Variants in PRKN observed in about 807,000 individuals in gnomAD.
PRKN encodes parkin RBR E3 ubiquitin protein ligase, also known as E3 ubiquitin-protein ligase parkin.
PRKN carries 56 observed loss-of-function variants against 59.5 expected under a neutral mutation model. That is an observed-to-expected ratio of 0.94 (90% CI 0.76 to 1.18). PRKN has a LOEUF of 1.18. Among genes scored for constraint, PRKN ranks in the 50% most tolerant of loss-of-function variants. The pLI is 0.00. For synonymous variants in PRKN, 250 were observed against 222.1 expected, an observed-to-expected ratio of 1.13 and a Z score of -1.12; for missense variants, 657 against 596.4, an observed-to-expected ratio of 1.10 and a Z score of -1.06.
chr6:161,372,949 G>A lies in PRKN; in HGVS notation c.1168-12744C>T, dbSNP rs1447350512. ...GGCTCTCGAGTAGCTGGGACTACAG[G>A]CACATGCTTCTGTCCTCTGCTGATC... On this transcript the variant is annotated intron_variant, in intron 10 of 11. Coordinates refer to ENST00000366898, the MANE Select transcript of PRKN (RefSeq NM_004562.3). The surrounding 1 kb of genome is among the most constrained non-coding windows in gnomAD (Gnocchi z 4.2). Among the ~76,000 whole-genome samples the A allele has an allele frequency of 2.0e-5, 3 of 151,468 alleles. No homozygotes were observed. The highest frequency in any genetic ancestry group is 4.9e-5 in the African/African-American group (2 of 41,176).
chr6:161,509,636 TGG>T (rs67944068), intron 9 of PRKN, among the ~76,000 whole-genome samples: 103,818 of 151,218 alleles, frequency 0.69, 35,732 homozygotes, highest in Middle Eastern at 0.8. Context: ...TCTCAACACT[TGG>T]TGAGAGGCCG....
chr6:161,757,991 G>C (rs1168869271), intron 7 of PRKN, among the ~76,000 whole-genome samples: 2 of 144,270 alleles, frequency 1.4e-5, no homozygotes. Flanking sequence ...AACATCATTA[G>C]TCATTAGGAA....
chr6:162,059,708 C>T (rs745891649), intron 4 of PRKN, among the ~76,000 whole-genome samples: 3 of 152,004 alleles, frequency 2.0e-5, no homozygotes, highest in Admixed American at 6.6e-5. Context: ...GTCACATAGT[C>T]TAATAGGAAA....
intron 1 of PRKN, among the ~76,000 whole-genome samples, chr6:162,485,106 AGT>A (rs1398783339): frequency 6.6e-6 from 1 of 152,234 alleles, no homozygotes. Context: ...TACTTACACA[AGT>A]GTTGAGGGCA....
chr6:162,436,896 A>T (rs890089733), intron 2 of PRKN, among the ~76,000 whole-genome samples: 5 of 151,916 alleles, frequency 3.3e-5, no homozygotes, highest in African/African-American at 9.7e-5. Context: ...GTTCAAGACC[A>T]GCCTGGCCAA....
At chr6:162,699,253 TATA>T (rs1424103512) in intron 1 of PRKN, among the ~76,000 whole-genome samples, 52 of 152,306 alleles carry the variant, frequency 3.4e-4, no homozygotes, top group Non-Finnish European at 1.3e-4. Context: ...CTTGCCTTTC[TATA>T]ATCTTATTGA....
In PRKN at chr6:161,440,013, C is replaced by A. The variant is rs549379557; in HGVS notation, c.1084-53136G>T. On this transcript the variant is annotated intron_variant, in intron 9 of 11. Coordinates refer to ENST00000366898, the MANE Select transcript of PRKN (RefSeq NM_004562.3). This position sits in a 1 kb window ranked among gnomAD's most constrained non-coding sequence, Gnocchi z 4.1. ...CCGCCCAGGCTGGAGTGCAGTGGCG[C>A]GATCTCGGCTCACTGCAAGCTCCAC... Among the ~76,000 whole-genome samples the A allele has an allele frequency of 6.6e-6, 1 of 151,230 alleles. No individual in the cohort carries two copies. The highest frequency in any genetic ancestry group is 1.5e-5 in the Non-Finnish European group (1 of 67,856).
chr6:161,565,633 G>T (rs1334096582), intron 8 of PRKN, among the ~76,000 whole-genome samples: 1 of 152,164 alleles, frequency 6.6e-6, no homozygotes, highest in Non-Finnish European at 1.5e-5. Flanking sequence ...CGTCATGATT[G>T]TAAGTTTCCT....
chr6:161,858,559 T>A (rs1793749090), intron 6 of PRKN, among the ~76,000 whole-genome samples: 1 of 152,172 alleles, frequency 6.6e-6, no homozygotes, highest in Admixed American at 6.5e-5. Context: ...CAGAGACTTC[T>A]GCTCTCTGAA....
At chr6:162,679,162 C>T (rs1437775008) in intron 1 of PRKN, among the ~76,000 whole-genome samples, 1 of 151,594 alleles carries the variant, frequency 6.6e-6, no homozygotes. Flanking sequence ...TGCAATGGTG[C>T]AATCTCGCCT....
chr6:161,787,672 C>G (rs527614910), intron 6 of PRKN, among the ~76,000 whole-genome samples: 1 of 152,190 alleles, frequency 6.6e-6, no homozygotes, highest in East Asian at 1.9e-4. Context: ...AGAGGCCAGG[C>G]GTGGTGGCTC....
At chr6:161,724,172 T>C (rs893413790) in intron 7 of PRKN, among the ~76,000 whole-genome samples, 14 of 152,320 alleles carry the variant, frequency 9.2e-5, no homozygotes, top group Admixed American at 7.8e-4. Flanking sequence ...TAAGAGTCCT[T>C]ATCTGCCAAG....
chr6:161,572,602 G>C (rs1583244237), intron 7 of PRKN, among the ~76,000 whole-genome samples: 1 of 152,172 alleles, frequency 6.6e-6, no homozygotes, highest in African/African-American at 2.4e-5. Flanking sequence ...AGAGGTTGTG[G>C]TGGGCTGAAA....
At chr6:162,534,047 A>G (rs1778619990) in intron 1 of PRKN, among the ~76,000 whole-genome samples, 1 of 151,960 alleles carries the variant, frequency 6.6e-6, no homozygotes, top group African/African-American at 2.4e-5. Context: ...ACAGGCCCAC[A>G]TCATGAAATC....
At chr6:162,166,455 AG>A (rs1222351010) in intron 4 of PRKN, among the ~76,000 whole-genome samples, 3 of 152,182 alleles carry the variant, frequency 2.0e-5, no homozygotes, top group Non-Finnish European at 2.9e-5. Flanking sequence ...GCAGCCTGAC[AG>A]GGGCTGAGGC....
chr6:161,879,031 A>C (rs972913512), intron 6 of PRKN, among the ~76,000 whole-genome samples: 1 of 152,106 alleles, frequency 6.6e-6, no homozygotes, highest in African/African-American at 2.4e-5. Context: ...CCTAGGCAGG[A>C]ATTTAAAGTG....
chr6:161,940,483 A>C (rs1396492676), intron 6 of PRKN, among the ~76,000 whole-genome samples: 1 of 152,174 alleles, frequency 6.6e-6, no homozygotes, highest in Non-Finnish European at 1.5e-5. Context: ...TTCAAAATAA[A>C]AATGGGGCAA....
chr6:161,523,833 A>G (rs2115365409), intron 9 of PRKN, among the ~76,000 whole-genome samples: 1 of 152,136 alleles, frequency 6.6e-6, no homozygotes, highest in Admixed American at 6.5e-5. Context: ...TTTGCAAAAC[A>G]TTTGAACACA....
rs924809847 is a variant in PRKN, at chr6:161,588,580, G to A, written c.872-19164C>T. 2.0e-5 allele frequency among the ~76,000 whole-genome samples: 3 copies of A among 151,722 alleles called. No individual in the cohort carries two copies. The highest frequency in any genetic ancestry group is 2.0e-4 in the Admixed American group (3 of 15,224). ...GGAAAGTGATGGCAATAAAAGTAAG[G>A]GCAAACTGGGAGGTGGGGCTGGACC... is the stretch of plus-strand genomic sequence containing the variant. On this transcript the variant is annotated intron_variant, in intron 7 of 11. Transcript: ENST00000366898. The surrounding 1 kb of genome is among the most constrained non-coding windows in gnomAD (Gnocchi z 5.0).
Sources: gnomAD v4.1 joint callset for allele counts (sites outside exome capture counted in the v4.1 genomes callset) on GRCh38, gnomAD v4.1.1 for gene constraint, Gnocchi (gnomAD v3.1) non-coding constraint, MANE v1.5 for transcripts, NCBI Gene and HGNC (gene_info 2026-07-23, HGNC 2026-07-21) for gene names.